The following ABAT variants were observed in gnomAD, a reference collection of about 807,000 sequenced individuals.
ABAT encodes the protein 4-aminobutyrate aminotransferase, mitochondrial.
In ABAT, 45 loss-of-function variants were observed where a neutral mutation model predicts 64.6. That is an observed-to-expected ratio of 0.70 (90% CI 0.55 to 0.89). The LOEUF (loss-of-function observed/expected upper bound fraction) is 0.89, where lower values mean the gene tolerates loss of function less well. Among genes scored for constraint, ABAT ranks in the 40% least tolerant of loss-of-function variants. ABAT has a pLI of 0.00. For missense variants in ABAT, 633 were observed against 658.4 expected (o/e 0.96, Z 0.42); for synonymous variants, 297 against 250.5 (o/e 1.19, Z -1.75).
At chr16:8,718,942 G>A (rs1413175229) in intron 1 of ABAT, among the ~76,000 whole-genome samples, 1 of 152,226 alleles carries the variant, frequency 6.6e-6, no homozygotes, top group African/African-American at 2.4e-5. Flanking sequence ...CTGGAGCTGT[G>A]TGGTCCTTGA....
chr16:8,726,680 TGAG>T (rs1246931232), intron 1 of ABAT, among the ~76,000 whole-genome samples: 46 of 152,250 alleles, frequency 3.0e-4, no homozygotes, highest in African/African-American at 1.1e-3. Flanking sequence ...TTCGATATAC[TGAG>T]TTCCTTCCTT....
At chr16:8,701,577 C>T (rs116081484) in intron 1 of ABAT, among the ~76,000 whole-genome samples, 1,760 of 152,332 alleles carry the variant, frequency 0.012, 41 homozygotes, top group African/African-American at 0.041. Flanking sequence ...TCAGTTTTTC[C>T]TTTTGTATAA....
intron 1 of ABAT, among the ~76,000 whole-genome samples, chr16:8,699,833 T>G (rs1446763911): frequency 6.6e-6 from 1 of 150,650 alleles, no homozygotes; most frequent in Admixed American, 6.6e-5. Flanking sequence ...TCTTTCCCTC[T>G]TTCTTTCTTT....
chr16:8,721,281 T>C (rs2058362958), intron 1 of ABAT, among the ~76,000 whole-genome samples: 1 of 152,158 alleles, frequency 6.6e-6, no homozygotes, highest in South Asian at 2.1e-4. Context: ...TCTCCCTGTA[T>C]CCATGGGATG....
At chr16:8,694,472 C>T (rs534741181) in intron 1 of ABAT, among the ~76,000 whole-genome samples, 1 of 152,042 alleles carries the variant, frequency 6.6e-6, no homozygotes, top group Non-Finnish European at 1.5e-5. Flanking sequence ...CTCACAATAG[C>T]CTTGAGCTCC....
intron 1 of ABAT, among the ~76,000 whole-genome samples, chr16:8,727,581 A>G (rs748990998): frequency 5.3e-5 from 8 of 152,202 alleles, no homozygotes; most frequent in Non-Finnish European, 1.0e-4. Flanking sequence ...CTTATGCAGA[A>G]TTTGTTGTTG....
At chr16:8,757,656 G>T in intron 5 of ABAT, 101 bp from the exon 6 acceptor site, 1 of 1,299,804 alleles carries the variant, frequency 7.7e-7, no homozygotes, top group Non-Finnish European at 1.1e-6. Flanking sequence ...TTTAAAGAGA[G>T]TTGGGGGGTT....
At chr16:8,726,657 G>T (rs931818833) in intron 1 of ABAT, among the ~76,000 whole-genome samples, 1 of 152,214 alleles carries the variant, frequency 6.6e-6, no homozygotes, top group Admixed American at 6.5e-5. Context: ...AAACATAGGA[G>T]TGCAGATATC....
chr16:8,682,127 G>C (rs2057348067), intron 1 of ABAT, among the ~76,000 whole-genome samples: 1 of 151,872 alleles, frequency 6.6e-6, no homozygotes, highest in Non-Finnish European at 1.5e-5. Context: ...TCACCGGTTA[G>C]AGGCTAAGAC....
intron 1 of ABAT, among the ~76,000 whole-genome samples, chr16:8,702,329 T>A (rs1490739629): frequency 6.6e-6 from 1 of 151,988 alleles, no homozygotes; most frequent in Non-Finnish European, 1.5e-5. Flanking sequence ...CTTGGCTCAC[T>A]GCAACCTCCG....
chr16:8,779,249 G>C (rs1459364967), intron 14 of ABAT, among the ~76,000 whole-genome samples: 1 of 151,732 alleles, frequency 6.6e-6, no homozygotes, highest in African/African-American at 2.4e-5. Context: ...GGTTGTTGTT[G>C]CTGGTGGTGG....
chr16:8,758,391 A>G (rs1191684019), intron 6 of ABAT, among the ~76,000 whole-genome samples: 1 of 152,148 alleles, frequency 6.6e-6, no homozygotes, highest in Non-Finnish European at 1.5e-5. Context: ...CTGGCAGGCC[A>G]CGAGTCGGGA....
intron 11 of ABAT, among the ~76,000 whole-genome samples, chr16:8,771,464 C>CTTTTTTTTTTTTTTTTTTTTTTTTTTT (rs1207440161): frequency 1.8e-5 from 2 of 108,456 alleles, no homozygotes; most frequent in African/African-American, 6.5e-5. Context: ...TAGGGTTTTT[C>CTTTTTTTTTTTTTTTTTTTTTTTTTTT]TTTCTTTTTT....
intron 1 of ABAT, among the ~76,000 whole-genome samples, chr16:8,707,343 T>A (rs1465839017): frequency 2.3e-5 from 3 of 130,210 alleles, no homozygotes; most frequent in African/African-American, 8.3e-5. Context: ...CACACTACCA[T>A]GCCAGGGTAA....
chr16:8,718,981 C>T (rs574017798), intron 1 of ABAT, among the ~76,000 whole-genome samples: 41 of 152,292 alleles, frequency 2.7e-4, no homozygotes, highest in Non-Finnish European at 5.1e-4. Context: ...ACTTGTTATA[C>T]GCTGTGATTT....
intron 1 of ABAT, among the ~76,000 whole-genome samples, chr16:8,711,766 GGATGGATGGATGGATGGGAA>G (rs1374384230): frequency 1.2e-3 from 174 of 141,572 alleles, no homozygotes; most frequent in African/African-American, 4.3e-3. Flanking sequence ...ATGGGAAGAT[GGATGGATGGATGGATGGGAA>G]GATGGATGGA....
At chr16:8,735,645 C>G in intron 1 of ABAT, 54 bp from the exon 2 acceptor site, 3 of 1,422,800 alleles carry the variant, frequency 2.1e-6, no homozygotes, top group Non-Finnish European at 2.9e-6. Flanking sequence ...GGATCTTTGG[C>G]TGAGAGGGGA....
rs1218207556 is a variant in ABAT at position 8,766,267 on chromosome 16, C to T, written c.600C>T (p.Asn200=). The change falls in exon 9 of 16, where the codon AAC becomes AAT. Residue 200 remains asparagine (N), a synonymous_variant. Transcript: ENST00000268251. ...SQEELETCMI[N]QAPGCPDYSI... is the part of the protein sequence containing the mutation. ...AGGAGCTGGAGACGTGCATGATTAA[C>T]CAGGTGAGTGCAGCTGGGCTTGCAC... is the stretch of plus-strand genomic sequence containing the variant. 6.2e-7 allele frequency: 1 copy of T among 1,613,834 alleles called. No homozygotes were observed. Among genetic ancestry groups the T allele is most frequent in the African/African-American group, 1.3e-5 (1 of 74,916 alleles).
Position 8,757,934 on chromosome 16 carries a change from C to G in ABAT, c.366+128C>G, listed in dbSNP as rs1349440114. The G allele has an allele frequency of 6.3e-6, 7 of 1,103,806 alleles. No homozygotes were observed. The African/African-American group carries it at 1.1e-4, about 17-fold the overall frequency. 68.4% of individuals were successfully genotyped at this position (1,103,806 alleles called of 1,614,324 possible). A position where few individuals can be genotyped will look rare whatever the true frequency, so the allele number is the denominator to read the frequency against. ...TCCATAAATATGTATTGAGCCCATA[C>G]TATGTGCCAGGTATGTGGCATGCCT... On this transcript the variant is annotated intron_variant, in intron 6 of 15. Coordinates refer to ENST00000268251, the MANE Select transcript of ABAT (RefSeq NM_020686.6).
Sources: allele counts gnomAD v4.1 joint callset (sites outside exome capture counted in the v4.1 genomes callset), GRCh38; gene constraint gnomAD v4.1.1; transcripts MANE v1.5; gene names NCBI Gene and HGNC (gene_info 2026-07-23, HGNC 2026-07-21).